Variants in PJA2 observed in about 807,000 individuals in gnomAD.
PJA2 encodes E3 ubiquitin-protein ligase Praja-2.
Under a neutral mutation model 69.3 loss-of-function variants are expected in PJA2, and 25 were observed. The ratio of observed to expected loss-of-function variants is 0.36; its 90% CI spans 0.26 to 0.50. The LOEUF (loss-of-function observed/expected upper bound fraction) is 0.50. PJA2 is among the 20% of genes least tolerant of loss of function. The probability of loss-of-function intolerance (pLI) is 0.96; values close to 1 mark genes in which losing one functional copy is unlikely to be tolerated. For synonymous variants in PJA2, 308 were observed against 277.8 expected, an observed-to-expected ratio of 1.11 and a Z score of -1.08; for missense variants, 809 against 830.2, an observed-to-expected ratio of 0.97 and a Z score of 0.31.
chr5:109,366,653 T>C (rs1416977992), intron 5 of PJA2, among the ~76,000 whole-genome samples: 2 of 148,648 alleles, frequency 1.3e-5, no homozygotes, highest in East Asian at 3.8e-4. Flanking sequence ...CCTACTACAA[T>C]GTAAGCTTCA....
chr5:109,337,030 G>A lies in PJA2; in HGVS notation c.*201C>T, dbSNP rs909263228. ...TTCAACTAAAGAAAATGGATGCACTGTCTCAACATTCAGCTTAAAAATGTT... is the reference window on the plus strand; with the variant it reads ...TTCAACTAAAGAAAATGGATGCACTATCTCAACATTCAGCTTAAAAATGTT... On this transcript the variant is annotated 3_prime_UTR_variant, in exon 10 of 10. Transcript: ENST00000361189. 2.4e-5 allele frequency: 8 copies of A among 335,268 alleles called. No individual in the cohort carries two copies. The South Asian group carries it at 6.6e-4, about 28-fold the overall frequency. The allele number at this position is 335,268 out of a possible 1,614,324, so 20.8% of individuals were successfully genotyped here. A position where few individuals can be genotyped will look rare whatever the true frequency, so the allele number is the denominator to read the frequency against.
chr5:109,380,052 A>G (rs1022265464), intron 3 of PJA2, among the ~76,000 whole-genome samples: 3 of 150,844 alleles, frequency 2.0e-5, no homozygotes, highest in Admixed American at 6.6e-5. Context: ...GATATATGGT[A>G]CGAAGGGTTC....
Position 109,378,966 on chromosome 5 carries a change from T to A in PJA2, c.521A>T (p.His174Leu). Residue 174 changes from histidine (H) to leucine (L), a missense_variant, in exon 4 of 10, where the codon CAT becomes CTT. His to Leu is a moderately conservative substitution (Grantham distance 99). Around this residue, in one of 4 missense-constraint regions of PJA2, gnomAD observed 700 missense variants for 639.5 expected, o/e 1.09. Transcript: ENST00000361189. ...TTGAAGATGGTCATTATCTTCTCCA[T>A]GTTTGCCATCTGGATCATAAGAGTC... ...HTDSYDPDGK[H>L]GEDNDHLQLS... is the part of the protein sequence containing the mutation. The A allele has an allele frequency of 6.2e-7, 1 of 1,614,202 alleles. No individual in the cohort carries two copies. The highest frequency in any genetic ancestry group is 8.5e-7 in the Non-Finnish European group (1 of 1,180,022).
At chr5:109,348,930 T>C (rs1333562020) in intron 7 of PJA2, among the ~76,000 whole-genome samples, 1 of 152,226 alleles carries the variant, frequency 6.6e-6, no homozygotes, top group Non-Finnish European at 1.5e-5. Flanking sequence ...TCTTTCCCAT[T>C]TCTATTTCAA....
intron 6 of PJA2, among the ~76,000 whole-genome samples, chr5:109,358,015 C>G (rs756723276): frequency 1.3e-5 from 2 of 152,232 alleles, no homozygotes; most frequent in African/African-American, 2.4e-5. Flanking sequence ...ATAACTGTTT[C>G]AGGCTGGGTG....
intron 1 of PJA2, among the ~76,000 whole-genome samples, chr5:109,395,988 G>C (rs1210466040): frequency 8.1e-6 from 1 of 123,960 alleles, no homozygotes. Context: ...CAAGAAGAGC[G>C]AAACTCTATC....
chr5:109,401,779 G>A (rs1747557829), intron 1 of PJA2, among the ~76,000 whole-genome samples: 1 of 152,114 alleles, frequency 6.6e-6, no homozygotes, highest in Admixed American at 6.6e-5. Context: ...TGGAAAAGAG[G>A]CCACTATAAC....
chr5:109,353,815 A>G (rs1377614625), intron 7 of PJA2, among the ~76,000 whole-genome samples: 1 of 128,636 alleles, frequency 7.8e-6, no homozygotes, highest in Admixed American at 8.1e-5. Flanking sequence ...TCTATAGATT[A>G]GATGTCTATG....
rs191372315 is a variant in PJA2 at position 109,408,511 on chromosome 5, T to C, written c.-88+1331A>G. ...TCAATAAGCAAGCGGTATGCAAACA[T>C]GTTTGGTATATGGTATAGCCTCCCT... On this transcript the variant is annotated intron_variant, in intron 1 of 9. Transcript: ENST00000361189. 2.2e-3 allele frequency among the ~76,000 whole-genome samples: 330 copies of C among 152,262 alleles called. 1 individual carries two copies. The highest frequency in any genetic ancestry group is 7.6e-3 in the African/African-American group (316 of 41,556).
At chr5:109,389,645 A>G (rs1454474179) in intron 1 of PJA2, among the ~76,000 whole-genome samples, 1 of 151,686 alleles carries the variant, frequency 6.6e-6, no homozygotes, top group Non-Finnish European at 1.5e-5. Context: ...CCTTCTTTCT[A>G]CTTCCTTGGG....
intron 7 of PJA2, among the ~76,000 whole-genome samples, chr5:109,353,154 A>G (rs1430696704): frequency 8.8e-6 from 1 of 113,760 alleles, no homozygotes; most frequent in Admixed American, 8.8e-5. Context: ...CTAGATATCT[A>G]TATATTAGAT....
intron 6 of PJA2, 135 bp from the exon 7 acceptor site, chr5:109,356,161 A>G: frequency 1.6e-6 from 1 of 617,308 alleles, no homozygotes; most frequent in South Asian, 2.1e-5. Context: ...ATATTTTAAT[A>G]CCAACTTGTA....
chr5:109,379,564 T>C (rs1157435535), intron 3 of PJA2, among the ~76,000 whole-genome samples: 1 of 152,266 alleles, frequency 6.6e-6, no homozygotes, highest in South Asian at 2.1e-4. Flanking sequence ...GGTTATACAA[T>C]GGGAAGCCTC....
At chr5:109,345,955 T>C (rs1762167288) in intron 7 of PJA2, among the ~76,000 whole-genome samples, 1 of 152,218 alleles carries the variant, frequency 6.6e-6, no homozygotes, top group African/African-American at 2.4e-5. Context: ...CAGTTGAGAC[T>C]TTTGTCTTTT....
chr5:109,405,215 T>C (rs1747655938), intron 1 of PJA2, among the ~76,000 whole-genome samples: 1 of 152,220 alleles, frequency 6.6e-6, no homozygotes, highest in African/African-American at 2.4e-5. Context: ...AATACTTAGA[T>C]ATAAATCCAA....
In PJA2 at chr5:109,356,085, C is replaced by A. The variant is rs1198733949; in HGVS notation, c.1653-59G>T. 6 of 1,119,258 alleles carry A rather than the reference C, an allele frequency of 5.4e-6. No homozygotes were observed. In the Admixed American group the frequency reaches 1.1e-4, roughly 21 times the overall value. 69.3% of individuals were successfully genotyped at this position (1,119,258 alleles called of 1,614,324 possible). A position where few individuals can be genotyped will look rare whatever the true frequency, so the allele number is the denominator to read the frequency against. Reference sequence around the variant, plus strand: ...CCACTATGATTTGGGAAATCTTATGCTGAGGACATAATTATATTAGCATAC... The same window carrying A: ...CCACTATGATTTGGGAAATCTTATGATGAGGACATAATTATATTAGCATAC... On this transcript the variant is annotated intron_variant, in intron 6 of 9. Coordinates refer to ENST00000361189, the MANE Select transcript of PJA2 (RefSeq NM_014819.5).
chr5:109,347,508 A>G lies in PJA2; in HGVS notation c.1765-2689T>C, dbSNP rs561854100. On this transcript the variant is annotated intron_variant, in intron 7 of 9. Coordinates refer to ENST00000361189, the MANE Select transcript of PJA2 (RefSeq NM_014819.5). ...ATCCAGTAACTGGTAATTACAGGACAAGGTTGCCAGCAGCTTCTCCTTGTA... is the reference window on the plus strand; with the variant it reads ...ATCCAGTAACTGGTAATTACAGGACGAGGTTGCCAGCAGCTTCTCCTTGTA... Among the ~76,000 whole-genome samples the G allele has an allele frequency of 3.3e-5, 5 of 152,296 alleles. No homozygotes were observed. The East Asian group carries it at 9.7e-4, about 29-fold the overall frequency.
chr5:109,407,462 T>A (rs918781050), intron 1 of PJA2, among the ~76,000 whole-genome samples: 1 of 152,166 alleles, frequency 6.6e-6, no homozygotes, highest in African/African-American at 2.4e-5. Context: ...GCTAAAACAT[T>A]AGAAGCATTC....
At chr5:109,401,758 A>G (rs1368968478) in intron 1 of PJA2, among the ~76,000 whole-genome samples, 1 of 152,242 alleles carries the variant, frequency 6.6e-6, no homozygotes, top group African/African-American at 2.4e-5. Context: ...TCATGCAGAA[A>G]GAATAAGCAC....
Sources: gnomAD v4.1 joint callset for allele counts (sites outside exome capture counted in the v4.1 genomes callset) on GRCh38, gnomAD v4.1.1 for gene constraint, gnomAD v4.1.1 regional missense constraint, MANE v1.5 for transcripts, NCBI Gene and HGNC (gene_info 2026-07-23, HGNC 2026-07-21) for gene names.